ADAM2: variants seen among roughly 807,000 people sequenced by gnomAD.
The protein encoded by ADAM2 is ADAM metallopeptidase domain 2, also known as disintegrin and metalloproteinase domain-containing protein 2.
Under a neutral mutation model 99.3 loss-of-function variants are expected in ADAM2, and 101 were observed. The ratio of observed to expected loss-of-function variants is 1.02; its 90% CI spans 0.87 to 1.20. The LOEUF is 1.20. Ranked by LOEUF, ADAM2 falls within the 50% of genes most tolerant of loss-of-function variation. ADAM2 has a pLI of 0.00. For synonymous variants in ADAM2, 323 were observed against 287.6 expected, an observed-to-expected ratio of 1.12 and a Z score of -1.25; for missense variants, 948 against 878.7, an observed-to-expected ratio of 1.08 and a Z score of -1.00.
At chr8:39,752,361 A>G (rs1801983133) in intron 16 of ADAM2, among the ~76,000 whole-genome samples, 1 of 152,224 alleles carries the variant, frequency 6.6e-6, no homozygotes, top group Non-Finnish European at 1.5e-5. Flanking sequence ...TCAAAGGTCT[A>G]CAGCAACCAG....
chr8:39,796,088 A>C (rs1009147515), intron 7 of ADAM2, among the ~76,000 whole-genome samples: 1 of 152,010 alleles, frequency 6.6e-6, no homozygotes, highest in Non-Finnish European at 1.5e-5. Flanking sequence ...TTCTAAAAAA[A>C]AAACAGGATA....
chr8:39,771,355 A>G (rs1802773485), intron 11 of ADAM2, among the ~76,000 whole-genome samples: 1 of 152,212 alleles, frequency 6.6e-6, no homozygotes, highest in Admixed American at 6.5e-5. Flanking sequence ...AATATTTACC[A>G]ACAACTGGAA....
chr8:39,766,724 A>G, intron 14 of ADAM2, 124 bp downstream of exon 14: 3 of 815,482 alleles, frequency 3.7e-6, no homozygotes, highest in Non-Finnish European at 3.7e-6. Flanking sequence ...TTCTCTTTCT[A>G]TAATTCTTTA....
chr8:39,822,507 T>C (rs1805232257), intron 4 of ADAM2, among the ~76,000 whole-genome samples: 2 of 152,098 alleles, frequency 1.3e-5, no homozygotes, highest in Admixed American at 1.3e-4. Context: ...CAGTCAGTTT[T>C]GCATTGTTTG....
intron 6 of ADAM2, among the ~76,000 whole-genome samples, chr8:39,812,182 C>T (rs549645290): frequency 1.3e-5 from 2 of 152,244 alleles, no homozygotes; most frequent in South Asian, 4.1e-4. Flanking sequence ...ACAATTGCTT[C>T]AAAGAGAATA....
rs1045242080 is a variant in ADAM2 at position 39,837,290 on chromosome 8, C to A, written c.56-78G>T. On this transcript the variant is annotated intron_variant, in intron 1 of 20. Transcript: ENST00000265708. ...TGTTTTATGAGTTTTTCATCTAAATCTCTAATCTCTATTCTATACGCTGCT... is the reference window on the plus strand; with the variant it reads ...TGTTTTATGAGTTTTTCATCTAAATATCTAATCTCTATTCTATACGCTGCT... The A allele has an allele frequency of 1.3e-5, 12 of 949,624 alleles. No individual in the cohort carries two copies. In the Admixed American group the frequency reaches 2.2e-4, roughly 17 times the overall value. 58.8% of individuals were successfully genotyped at this position (949,624 alleles called of 1,614,324 possible).
Position 39,744,839 on chromosome 8 carries a change from A to G in ADAM2, c.*21T>C, listed in dbSNP as rs762135426. 1.3e-6 allele frequency: 2 copies of G among 1,586,294 alleles called. No homozygotes were observed. The highest frequency in any genetic ancestry group is 8.6e-7 in the Non-Finnish European group (1 of 1,168,038). ...AATGAAAGAAACTCACAGTGATATC[A>G]TGGCATCTCTGTTGTCCAGACTACC... On this transcript the variant is annotated 3_prime_UTR_variant, in exon 20 of 21. Transcript: ENST00000265708.
intron 1 of ADAM2, 38 bp downstream of exon 1, chr8:39,838,093 G>A: frequency 6.2e-7 from 1 of 1,609,054 alleles, no homozygotes. Flanking sequence ...GTAGCGCTGA[G>A]GGTCCCAAAA....
At chr8:39,745,025 C>A in intron 19 of ADAM2, 132 bp from the exon 20 acceptor site, 1 of 632,956 alleles carries the variant, frequency 1.6e-6, no homozygotes, top group South Asian at 2.2e-5. Flanking sequence ...TTTGAGAATA[C>A]CCTATCACTG....
At chr8:39,830,409 C>A (rs2129589117) in intron 3 of ADAM2, among the ~76,000 whole-genome samples, 1 of 152,196 alleles carries the variant, frequency 6.6e-6, no homozygotes, top group Middle Eastern at 3.4e-3. Flanking sequence ...CTGTTTATGG[C>A]TGCTTTTACA....
intron 7 of ADAM2, among the ~76,000 whole-genome samples, chr8:39,804,109 C>G (rs1282672006): frequency 2.0e-5 from 3 of 152,200 alleles, no homozygotes; most frequent in Non-Finnish European, 2.9e-5. Flanking sequence ...ATGTTCTCTT[C>G]TGATTTCTTT....
chr8:39,837,674 C>A (rs529398667), intron 1 of ADAM2, among the ~76,000 whole-genome samples: 2 of 152,078 alleles, frequency 1.3e-5, no homozygotes, highest in Non-Finnish European at 2.9e-5. Context: ...CATGAGCCAC[C>A]GTGCCCGGCC....
chr8:39,749,900 A>G (rs1272429894), intron 16 of ADAM2, among the ~76,000 whole-genome samples, 156 bp from the exon 17 acceptor site: 1 of 152,148 alleles, frequency 6.6e-6, no homozygotes, highest in Non-Finnish European at 1.5e-5. Flanking sequence ...TAGTTAATGT[A>G]TTGAGCTACT....
At chr8:39,821,196 A>G in intron 5 of ADAM2, 26 bp from the exon 6 acceptor site, 1 of 1,470,786 alleles carries the variant, frequency 6.8e-7, no homozygotes, top group Non-Finnish European at 9.2e-7. Flanking sequence ...AAAAATTAAT[A>G]AGTAAAACAA....
At chr8:39,754,407 C>T (rs181929489) in intron 16 of ADAM2, among the ~76,000 whole-genome samples, 7 of 152,232 alleles carry the variant, frequency 4.6e-5, no homozygotes, top group African/African-American at 7.2e-5. Flanking sequence ...TAACTACCAA[C>T]GATTTAAGCC....
At chr8:39,831,721 G>A (rs1056268314) in intron 3 of ADAM2, among the ~76,000 whole-genome samples, 10 of 152,034 alleles carry the variant, frequency 6.6e-5, no homozygotes, top group Non-Finnish European at 1.3e-4. Context: ...TACATAAAGA[G>A]TAAAATGGAA....
intron 4 of ADAM2, among the ~76,000 whole-genome samples, chr8:39,822,650 G>C (rs1563380895): frequency 6.6e-6 from 1 of 151,832 alleles, no homozygotes; most frequent in Non-Finnish European, 1.5e-5. Flanking sequence ...TTTATTATTA[G>C]AAGAGAAGTG....
At chr8:39,757,274 G>A (rs933766678) in intron 15 of ADAM2, among the ~76,000 whole-genome samples, 44 of 151,956 alleles carry the variant, frequency 2.9e-4, no homozygotes, top group African/African-American at 1.0e-3. Context: ...AGGCATTGTA[G>A]TAAGGTAGAA....
At chr8:39,769,840 T>C (rs1474603698) in intron 11 of ADAM2, among the ~76,000 whole-genome samples, 1 of 152,208 alleles carries the variant, frequency 6.6e-6, no homozygotes. Flanking sequence ...GCTCCTATTT[T>C]CCAAAGTGCC....
Sources: gnomAD v4.1 joint callset for allele counts (sites outside exome capture counted in the v4.1 genomes callset) on GRCh38, gnomAD v4.1.1 for gene constraint, MANE v1.5 for transcripts, NCBI Gene and HGNC (gene_info 2026-07-23, HGNC 2026-07-21) for gene names.